LARGE1: variants seen among roughly 807,000 people sequenced by gnomAD.
LARGE1 encodes LARGE xylosyl- and glucuronyltransferase 1.
LARGE1 carries 43 observed loss-of-function variants against 87.6 expected under a neutral mutation model. The ratio of observed to expected loss-of-function variants is 0.49; its 90% CI spans 0.38 to 0.63. LARGE1 has a LOEUF of 0.63. Among genes scored for constraint, LARGE1 ranks in the 30% least tolerant of loss-of-function variants. The probability of loss-of-function intolerance (pLI) is 0.00; values close to 1 mark genes in which losing one functional copy is unlikely to be tolerated. For synonymous variants in LARGE1, 434 were observed against 394.6 expected (o/e 1.10, Z -1.18); for missense variants, 802 against 1,000.2 (o/e 0.80, Z 2.67).
At chr22:33,161,549 C>T (rs538896258), downstream of LARGE1, among the ~76,000 whole-genome samples, 5 of 152,282 alleles carry the variant, frequency 3.3e-5, no homozygotes, top group East Asian at 9.6e-4. Flanking sequence ...TGGGTAAATA[C>T]ATCTGCTCCA....
chr22:33,804,509 A>G (rs1281109787), intron 1 of LARGE1, among the ~76,000 whole-genome samples: 1 of 152,226 alleles, frequency 6.6e-6, no homozygotes, highest in Non-Finnish European at 1.5e-5. Context: ...GGGAGGCTGC[A>G]AGAGATCCAC....
At chr22:33,252,322 A>G (rs1325320828) in intron 11 of LARGE1, among the ~76,000 whole-genome samples, 1 of 144,642 alleles carries the variant, frequency 6.9e-6, no homozygotes, top group East Asian at 2.2e-4. Context: ...TGTTGGTAAA[A>G]CAAATCAATA....
intron 6 of LARGE1, among the ~76,000 whole-genome samples, chr22:33,453,342 G>A (rs151145728): frequency 0.017 from 2,564 of 152,076 alleles, 82 homozygotes; most frequent in African/African-American, 0.058. Context: ...TTGAACCTGG[G>A]AGGCACAGGT....
At chr22:33,818,034 A>G (rs2086708921) in intron 1 of LARGE1, among the ~76,000 whole-genome samples, 1 of 152,182 alleles carries the variant, frequency 6.6e-6, no homozygotes, top group East Asian at 1.9e-4. Flanking sequence ...TTCAGACCCC[A>G]GATCCACAAC....
rs576940966 is a variant in LARGE1 at position 33,637,419 on chromosome 22, C to T, written c.409-11093G>A. The stretch of plus-strand genomic sequence containing the variant: ...GGCTGGCAGAGATATGGTCCCTTGC[C>T]TTGGCCATGGTGTGGTAGCCAGCCT... On this transcript the variant is annotated intron_variant, in intron 3 of 14. Transcript: ENST00000397394. 3.3e-5 allele frequency among the ~76,000 whole-genome samples: 5 copies of T among 152,268 alleles called. No homozygotes were observed. The South Asian group carries it at 1.0e-3, about 32-fold the overall frequency.
intron 1 of LARGE1, among the ~76,000 whole-genome samples, chr22:33,906,223 G>C (rs1404855442): frequency 1.3e-5 from 2 of 152,192 alleles, no homozygotes; most frequent in African/African-American, 2.4e-5. Flanking sequence ...CCGTGGACCA[G>C]ACAGGGATCA....
At position 33,304,839 on chromosome 22, in the gene LARGE1, T is replaced by C. The variant is rs138612795; in HGVS notation, c.1452-332A>G. 3.7e-3 allele frequency among the ~76,000 whole-genome samples: 565 copies of C among 152,230 alleles called. 8 individuals carry two copies. In the East Asian group the frequency reaches 0.038, roughly 10 times the overall value. ...CCAGCCCCAAAGTCCTACACTTCTC[T>C]CTCCACAAAGGTATAAAAAAGCTCT... On this transcript the variant is annotated intron_variant, in intron 11 of 14. Coordinates refer to ENST00000397394, the MANE Select transcript of LARGE1 (RefSeq NM_133642.5).
chr22:33,359,068 A>C (rs2064284780), intron 9 of LARGE1, among the ~76,000 whole-genome samples: 1 of 152,100 alleles, frequency 6.6e-6, no homozygotes, highest in Non-Finnish European at 1.5e-5. Context: ...TTCTGGAGTT[A>C]ACCCTCTAAA....
rs372938257 is a variant in LARGE1, at chr22:33,238,718, T to C, written c.1730+65511A>G. Among the ~76,000 whole-genome samples, 11 of 152,330 alleles carry C rather than the reference T, an allele frequency of 7.2e-5. No homozygotes were observed. In the East Asian group the frequency reaches 1.9e-3, roughly 27 times the overall value. On this transcript the variant is annotated intron_variant, in intron 11 of 11. Transcript: ENST00000608642. Reference sequence around the variant, plus strand: ...CTTGGTAACTGAAAATACACATCTTTATCATTCATAGTTTGAAGGAAAAAT... The same window carrying C: ...CTTGGTAACTGAAAATACACATCTTCATCATTCATAGTTTGAAGGAAAAAT...
chr22:33,071,573 G>A, the LARGE1 span, among the ~76,000 whole-genome samples: 1 of 152,270 alleles, frequency 6.6e-6, no homozygotes. Context: ...ATTGTTTTCA[G>A]GCATTGTACT....
At chr22:33,487,878 C>T (rs984459937) in intron 6 of LARGE1, among the ~76,000 whole-genome samples, 7 of 152,142 alleles carry the variant, frequency 4.6e-5, no homozygotes, top group Admixed American at 4.6e-4. Context: ...TCCCTTTAAG[C>T]CTGCCATGAA....
intron 3 of LARGE1, among the ~76,000 whole-genome samples, chr22:33,632,123 C>T (rs1008615238): frequency 3.3e-5 from 5 of 152,046 alleles, no homozygotes; most frequent in Admixed American, 1.3e-4. Flanking sequence ...AGAGTCTGGC[C>T]GTTTGTTTGT....
chr22:33,173,122 G>T (rs1922668113), intron 11 of LARGE1, among the ~76,000 whole-genome samples: 1 of 152,154 alleles, frequency 6.6e-6, no homozygotes, highest in African/African-American at 2.4e-5. Flanking sequence ...AGGTCGGGTT[G>T]CCCACAAAGA....
chr22:33,299,130 T>C (rs1025856380), intron 12 of LARGE1, among the ~76,000 whole-genome samples: 5 of 151,946 alleles, frequency 3.3e-5, no homozygotes, highest in Non-Finnish European at 5.9e-5. Context: ...GAGCATCGCT[T>C]GAGCCTGGGG....
intron 4 of LARGE1, among the ~76,000 whole-genome samples, chr22:33,624,581 G>A (rs1569321450): frequency 6.6e-6 from 1 of 152,116 alleles, no homozygotes; most frequent in Non-Finnish European, 1.5e-5. Context: ...CACGCTATGG[G>A]GGCAGAGGGG....
intron 1 of LARGE1, among the ~76,000 whole-genome samples, chr22:33,803,827 T>C (rs1348422722): frequency 1.3e-5 from 2 of 152,170 alleles, no homozygotes; most frequent in African/African-American, 2.4e-5. Context: ...GCATCCAAAA[T>C]TGTAGACTCC....
rs138011042 is a variant in LARGE1, at chr22:33,277,240, C to A, written c.1893G>T (p.Thr631=). Residue 631 remains threonine, a synonymous_variant, in exon 14 of 15, where the codon ACG becomes ACT. Coordinates refer to ENST00000397394, the MANE Select transcript of LARGE1 (RefSeq NM_133642.5). ...TLFTFRYHVW[T]KGHAPTNFAK... is the part of the protein sequence containing the mutation. ...CGAAGTTTGTGGGTGCGTGGCCTTT[C>A]GTCCAGACGTGGTACCTGAGACACA... 8 of 1,614,052 alleles carry A rather than the reference C, an allele frequency of 5.0e-6. No homozygotes were observed. In the South Asian group the frequency reaches 5.5e-5, roughly 11 times the overall value.
At chr22:33,129,626 GTAATT>G in the LARGE1 span, among the ~76,000 whole-genome samples, 2 of 152,122 alleles carry the variant, frequency 1.3e-5, no homozygotes, top group African/African-American at 2.4e-5. Flanking sequence ...CCGAGACTGG[GTAATT>G]TATAAAGGAA....
the LARGE1 span, among the ~76,000 whole-genome samples, chr22:33,077,132 A>C: frequency 1.7e-4 from 26 of 152,276 alleles, no homozygotes; most frequent in African/African-American, 6.0e-4. Context: ...TATTATTGTT[A>C]TTATTATTAT....
Sources: allele counts gnomAD v4.1 joint callset (sites outside exome capture counted in the v4.1 genomes callset), GRCh38; gene constraint gnomAD v4.1.1; transcripts MANE v1.5; gene names NCBI Gene and HGNC (gene_info 2026-07-23, HGNC 2026-07-21).